The following PTPRK variants were observed in gnomAD, a reference collection of about 807,000 sequenced individuals.
PTPRK encodes the protein receptor-type tyrosine-protein phosphatase kappa.
A neutral mutation model predicts 178.0 loss-of-function variants in PTPRK; 75 were observed. That is an observed-to-expected ratio of 0.42 (90% CI 0.35 to 0.51). The LOEUF (loss-of-function observed/expected upper bound fraction) is 0.51. Among genes scored for constraint, PTPRK ranks in the 20% least tolerant of loss-of-function variants. The pLI is 0.02. For missense variants in PTPRK, 1,441 were observed against 1,797.8 expected (o/e 0.80, Z 3.59); for synonymous variants, 637 against 620.6 (o/e 1.03, Z -0.39).
At chr6:128,146,017 A>G (rs1194192008) in intron 7 of PTPRK, among the ~76,000 whole-genome samples, 1 of 152,166 alleles carries the variant, frequency 6.6e-6, no homozygotes, top group Non-Finnish European at 1.5e-5. Flanking sequence ...TACAAATGCA[A>G]TCTCACTTAC....
chr6:128,150,853 GTTC>G (rs964041668), intron 7 of PTPRK, among the ~76,000 whole-genome samples: 1 of 152,064 alleles, frequency 6.6e-6, no homozygotes, highest in African/African-American at 2.4e-5. Flanking sequence ...GGATGAAAAT[GTTC>G]TTTTTTGGGT....
intron 3 of PTPRK, among the ~76,000 whole-genome samples, chr6:128,265,103 T>C (rs936240354): frequency 1.3e-5 from 2 of 152,126 alleles, no homozygotes; most frequent in Non-Finnish European, 2.9e-5. Flanking sequence ...CAGATTTTAA[T>C]AGTCACATCT....
intron 1 of PTPRK, among the ~76,000 whole-genome samples, chr6:128,464,658 T>TATATATATATATATAC (rs1849604993): frequency 8.6e-6 from 1 of 116,652 alleles, no homozygotes; most frequent in Non-Finnish European, 1.8e-5. Context: ...TATATATATA[T>TATATATATATATATAC]ATATATATAT....
At chr6:128,185,601 A>G (rs1259205433) in intron 6 of PTPRK, among the ~76,000 whole-genome samples, 2 of 152,150 alleles carry the variant, frequency 1.3e-5, no homozygotes, top group African/African-American at 4.8e-5. Flanking sequence ...AACACTTCTC[A>G]CTTTTCTCAG....
At chr6:128,143,201 A>T (rs1354720282) in intron 7 of PTPRK, among the ~76,000 whole-genome samples, 2 of 152,192 alleles carry the variant, frequency 1.3e-5, no homozygotes, top group East Asian at 3.9e-4. Context: ...GATAGCAGAC[A>T]CTAATATAAT....
At chr6:128,038,632 T>C (rs1246841023) in intron 13 of PTPRK, among the ~76,000 whole-genome samples, 1 of 152,178 alleles carries the variant, frequency 6.6e-6, no homozygotes, top group Non-Finnish European at 1.5e-5. Flanking sequence ...GCTCAGGAAA[T>C]GCGACAGGAC....
chr6:128,329,451 G>C (rs1375488034), intron 2 of PTPRK, among the ~76,000 whole-genome samples: 1 of 150,856 alleles, frequency 6.6e-6, no homozygotes, highest in Non-Finnish European at 1.5e-5. Flanking sequence ...TGGAAGCTGA[G>C]AAGTCCAGAC....
intron 2 of PTPRK, among the ~76,000 whole-genome samples, chr6:128,383,368 A>T (rs1251963970): frequency 6.6e-6 from 1 of 152,214 alleles, no homozygotes; most frequent in African/African-American, 2.4e-5. Context: ...ATAGTGTTAT[A>T]CGGGGCTGGA....
chr6:128,291,074 G>T (rs906509367), intron 3 of PTPRK, among the ~76,000 whole-genome samples: 2 of 152,076 alleles, frequency 1.3e-5, no homozygotes, highest in African/African-American at 4.8e-5. Flanking sequence ...TACCAGTCAG[G>T]TGACCTTGAA....
intron 15 of PTPRK, among the ~76,000 whole-genome samples, chr6:128,001,766 C>T (rs886091054): frequency 8.6e-5 from 13 of 151,718 alleles, no homozygotes; most frequent in African/African-American, 2.2e-4. Context: ...ACAGGAGGAC[C>T]GAGACTTGGA....
chr6:127,983,717 G>A (rs1310091127), intron 22 of PTPRK, among the ~76,000 whole-genome samples: 3 of 152,088 alleles, frequency 2.0e-5, no homozygotes, highest in Admixed American at 6.5e-5. Context: ...GCAGATTCAC[G>A]CTTCAAAATT....
chr6:128,466,246 T>A (rs1849831152), intron 1 of PTPRK, among the ~76,000 whole-genome samples: 1 of 152,176 alleles, frequency 6.6e-6, no homozygotes, highest in African/African-American at 2.4e-5. Flanking sequence ...AATGCCACAA[T>A]TACAGATAAA....
intron 3 of PTPRK, among the ~76,000 whole-genome samples, chr6:128,288,824 T>C (rs1822927002): frequency 6.6e-6 from 1 of 152,136 alleles, no homozygotes; most frequent in Non-Finnish European, 1.5e-5. Context: ...CTTTGAAAAC[T>C]GAGAATTCCT....
At chr6:128,297,380 A>G (rs1042931375) in intron 3 of PTPRK, among the ~76,000 whole-genome samples, 11 of 152,226 alleles carry the variant, frequency 7.2e-5, no homozygotes, top group African/African-American at 2.4e-4. Flanking sequence ...CAGACCTAAC[A>G]GACATCTACA....
intron 13 of PTPRK, among the ~76,000 whole-genome samples, chr6:128,042,377 A>T (rs1256032791): frequency 6.6e-6 from 1 of 152,066 alleles, no homozygotes; most frequent in African/African-American, 2.4e-5. Context: ...AATGAGTCTT[A>T]TGGGACTAAA....
chr6:128,500,353 A>C, intron 1 of PTPRK, among the ~76,000 whole-genome samples: 1 of 149,738 alleles, frequency 6.7e-6, no homozygotes, highest in East Asian at 1.9e-4. Context: ...CATGTGATTA[A>C]CTGAAAATTT....
At chr6:127,986,423 C>T (rs1033974548) in intron 21 of PTPRK, among the ~76,000 whole-genome samples, 16 of 152,174 alleles carry the variant, frequency 1.1e-4, no homozygotes, top group African/African-American at 3.1e-4. Flanking sequence ...TTTGGGCAAA[C>T]TATTTTTCTT....
chr6:128,419,127 C>CTTTTAATG (rs1398295777), intron 1 of PTPRK, among the ~76,000 whole-genome samples: 7 of 152,164 alleles, frequency 4.6e-5, no homozygotes, highest in African/African-American at 1.7e-4. Context: ...TTTCTGAATG[C>CTTTTAATG]TTTTAATGTT....
At chr6:128,057,874 C>T (rs1210741086) in intron 13 of PTPRK, among the ~76,000 whole-genome samples, 1 of 151,960 alleles carries the variant, frequency 6.6e-6, no homozygotes, top group Non-Finnish European at 1.5e-5. Flanking sequence ...GTACTGCATA[C>T]CTTTTAACTT....
Sources: allele counts gnomAD v4.1 joint callset (sites outside exome capture counted in the v4.1 genomes callset), GRCh38; gene constraint gnomAD v4.1.1; transcripts MANE v1.5; gene names NCBI Gene and HGNC (gene_info 2026-07-23, HGNC 2026-07-21).